MRS2: variants seen among roughly 807,000 people sequenced by gnomAD.
MRS2 encodes the protein magnesium transporter MRS2.
A neutral mutation model predicts 52.6 loss-of-function variants in MRS2; 40 were observed. The observed-to-expected ratio is 0.76, with a 90% CI of 0.59 to 0.99. The LOEUF is 0.99. MRS2 is among the 50% of genes least tolerant of loss of function. MRS2 has a pLI of 0.00. For synonymous variants in MRS2, 193 were observed against 195.9 expected (o/e 0.98, Z 0.13); for missense variants, 472 against 532.7 (o/e 0.89, Z 1.12).
chr6:24,405,344 A>T, intron 2 of MRS2, 103 bp downstream of exon 2: 1 of 833,252 alleles, frequency 1.2e-6, no homozygotes, highest in Non-Finnish European at 2.0e-6. Flanking sequence ...TGAGCTTTAT[A>T]ATCATCATAG....
At chr6:24,406,234 T>A (rs772474259) in intron 2 of MRS2, among the ~76,000 whole-genome samples, 1 of 152,192 alleles carries the variant, frequency 6.6e-6, no homozygotes, top group Non-Finnish European at 1.5e-5. Flanking sequence ...TTTTCTCATC[T>A]GAAAACTGAG....
intron 9 of MRS2, among the ~76,000 whole-genome samples, chr6:24,419,635 C>T (rs1419018138): frequency 6.6e-6 from 1 of 152,068 alleles, no homozygotes; most frequent in Non-Finnish European, 1.5e-5. Context: ...AGGACATGAC[C>T]CCAAAGACTT....
At chr6:24,417,682 G>A (rs935663524) in intron 7 of MRS2, among the ~76,000 whole-genome samples, 2 of 151,998 alleles carry the variant, frequency 1.3e-5, no homozygotes, top group Non-Finnish European at 2.9e-5. Context: ...TGTGGCTCAT[G>A]CCTGTAATCC....
chr6:24,411,277 A>G (rs1761641201), intron 4 of MRS2, among the ~76,000 whole-genome samples: 1 of 152,186 alleles, frequency 6.6e-6, no homozygotes, highest in Non-Finnish European at 1.5e-5. Context: ...TATCACTGAT[A>G]AAGTGGCTAC....
intron 7 of MRS2, among the ~76,000 whole-genome samples, chr6:24,417,235 A>G (rs975615822): frequency 2.0e-5 from 3 of 152,224 alleles, no homozygotes; most frequent in Admixed American, 6.5e-5. Context: ...CAATCTGTCA[A>G]TCTGTCTCTA....
rs1305929237 is a variant in MRS2, at chr6:24,424,791, C to T, written c.*1097C>T. The T allele has an allele frequency of 6.6e-6, 1 of 152,116 alleles. No homozygotes were observed. The highest frequency in any genetic ancestry group is 2.4e-5 in the African/African-American group (1 of 41,414). The allele number at this position is 152,116 out of a possible 1,614,324, so 9.4% of individuals were successfully genotyped here. A position where few individuals can be genotyped will look rare whatever the true frequency, so the allele number is the denominator to read the frequency against. On this transcript the variant is annotated 3_prime_UTR_variant, in exon 11 of 11. Coordinates refer to ENST00000378386, the MANE Select transcript of MRS2 (RefSeq NM_020662.4). ...ATAATAACAGAATAAATACACTTAC[C>T]CTGATGATATTGAGGGTACATGATT...
chr6:24,423,608 C>A lies in MRS2; in HGVS notation c.1246C>A (p.Leu416Ile), dbSNP rs1243705093. ...GATGGCTTCTTTACCTAAAAAGACT[C>A]TTCTGGCAGATAGAAGCATGGAATT... ...PMMASLPKKT[L>I]LADRSMELKN... Residue 416 changes from leucine to isoleucine, a missense_variant, in exon 11 of 11, where the codon CTT (leucine) becomes ATT (isoleucine). Leu to Ile is a conservative substitution (Grantham distance 5). Coordinates refer to ENST00000378386, the MANE Select transcript of MRS2 (RefSeq NM_020662.4). 33 of 1,608,678 alleles carry A rather than the reference C, an allele frequency of 2.1e-5. No homozygotes were observed. Among genetic ancestry groups the A allele is most frequent in the Non-Finnish European group, 2.6e-5 (31 of 1,175,678 alleles).
intron 2 of MRS2, among the ~76,000 whole-genome samples, chr6:24,408,115 T>G (rs1348884879): frequency 1.3e-5 from 2 of 152,174 alleles, no homozygotes; most frequent in Non-Finnish European, 2.9e-5. Context: ...ACCATAAGGA[T>G]TGTTACCTAG....
chr6:24,418,822 C>T, intron 9 of MRS2: 1 of 343,592 alleles, frequency 2.9e-6, no homozygotes, highest in East Asian at 6.6e-5. Context: ...TCACTTGAAC[C>T]CGGGAGGCGG....
In MRS2 at chr6:24,412,349, C is replaced by G. The variant is rs371409305; in HGVS notation, c.542C>G (p.Pro181Arg). Reference protein sequence around the residue: ...LSGEGQLVTYPLPFEFRAIEA... With the variant: ...LSGEGQLVTYRLPFEFRAIEA... ...GGAGAGGGTCAACTCGTTACATACC[C>G]TTTACCTTTTGAGTTTAGAGCTATA... The change falls in exon 5 of 11, where the codon CCT becomes CGT. Residue 181 changes from proline (P) to arginine (R), a missense_variant. Transcript: ENST00000378386. 1 of 1,596,968 alleles carries G rather than the reference C, an allele frequency of 6.3e-7. No homozygotes were observed. Among genetic ancestry groups the G allele is most frequent in the Non-Finnish European group, 8.5e-7 (1 of 1,172,876 alleles).
At chr6:24,405,096 T>G in intron 1 of MRS2, 72 bp from the exon 2 acceptor site, 31 of 1,073,006 alleles carry the variant, frequency 2.9e-5, no homozygotes, top group Non-Finnish European at 4.2e-5. Context: ...CCACATACTT[T>G]GAGAGTTGTA....
intron 7 of MRS2, among the ~76,000 whole-genome samples, chr6:24,417,563 T>C (rs1355034096): frequency 2.0e-5 from 3 of 152,194 alleles, no homozygotes; most frequent in African/African-American, 7.2e-5. Context: ...CTGGTCTACA[T>C]AAGGATGGAA....
intron 5 of MRS2, 86 bp downstream of exon 5, chr6:24,412,481 A>G (rs1446997668): frequency 1.8e-6 from 2 of 1,101,070 alleles, no homozygotes; most frequent in East Asian, 2.5e-5. Context: ...TATTGTTTCA[A>G]TGGCATGTCC....
At chr6:24,418,821 C>A in intron 9 of MRS2, 1 of 345,440 alleles carries the variant, frequency 2.9e-6, no homozygotes, top group Non-Finnish European at 5.5e-6. Context: ...ATCACTTGAA[C>A]CCGGGAGGCG....
chr6:24,406,093 A>G (rs1761464707), intron 2 of MRS2, among the ~76,000 whole-genome samples: 1 of 135,386 alleles, frequency 7.4e-6, no homozygotes, highest in Middle Eastern at 3.8e-3. Context: ...AGACAGAGTG[A>G]GACTCCATCT....
chr6:24,412,193 A>G (rs1157790425), intron 4 of MRS2, 29 bp from the exon 5 acceptor site: 6 of 1,391,668 alleles, frequency 4.3e-6, no homozygotes, highest in Middle Eastern at 5.1e-4. Flanking sequence ...TCACATATTT[A>G]TATGTTTTGG....
Position 24,425,158 on chromosome 6 carries a change from C to CT in MRS2, c.*1466dup, listed in dbSNP as rs1386585805. The CT allele has an allele frequency of 6.6e-6, 1 of 152,184 alleles. No individual in the cohort carries two copies. The highest frequency in any genetic ancestry group is 1.5e-5 in the Non-Finnish European group (1 of 68,046). The allele number at this position is 152,184 out of a possible 1,614,324, so 9.4% of individuals were successfully genotyped here. On this transcript the variant is annotated 3_prime_UTR_variant, in exon 11 of 11. Transcript: ENST00000378386. ...ATTTTTAAGATTGTATTTGATAATA[C>CT]TTATATTTCACAGGGCACACTTTTG...
Position 24,418,171 on chromosome 6 carries a change from T to C in MRS2, c.924T>C (p.Asn308=), listed in dbSNP as rs201847935. 2.5e-6 allele frequency: 4 copies of C among 1,613,676 alleles called. No individual in the cohort carries two copies. In the Admixed American group the frequency reaches 5.0e-5, roughly 20 times the overall value. ...NYYRLADDLS[N]AARELRVLID... Reference sequence around the variant, plus strand: ...ACCGATTGGCTGACGATCTCTCCAATGCAGCTCGTGAGCTTAGGGTGCTGA... The same window carrying C: ...ACCGATTGGCTGACGATCTCTCCAACGCAGCTCGTGAGCTTAGGGTGCTGA... Residue 308 remains asparagine (N), a synonymous_variant, in exon 8 of 11, where the codon AAT becomes AAC. Coordinates refer to ENST00000378386, the MANE Select transcript of MRS2 (RefSeq NM_020662.4).
intron 8 of MRS2, 62 bp downstream of exon 8, chr6:24,418,298 G>A (rs1761923126): frequency 2.7e-6 from 4 of 1,477,928 alleles, no homozygotes; most frequent in East Asian, 2.5e-5. Flanking sequence ...AAGTTTTTAA[G>A]GAAATATTTT....
Sources: gnomAD v4.1 joint callset for allele counts (sites outside exome capture counted in the v4.1 genomes callset) on GRCh38, gnomAD v4.1.1 for gene constraint, MANE v1.5 for transcripts, NCBI Gene and HGNC (gene_info 2026-07-23, HGNC 2026-07-21) for gene names.